The following UGGT2 variants were observed in gnomAD, a reference collection of about 807,000 sequenced individuals.
The protein encoded by UGGT2 is UDP-glucose glycoprotein glucosyltransferase 2.
In UGGT2, 180 loss-of-function variants were observed where a neutral mutation model predicts 192.1. The ratio of observed to expected loss-of-function variants is 0.94; its 90% CI spans 0.83 to 1.06. The LOEUF is 1.06. UGGT2 is among the 50% of genes least tolerant of loss of function. UGGT2 has a pLI of 0.00. For missense variants in UGGT2, 1,849 were observed against 1,795.7 expected, an observed-to-expected ratio of 1.03 and a Z score of -0.54; for synonymous variants, 580 against 591.0, an observed-to-expected ratio of 0.98 and a Z score of 0.27.
chr13:95,803,878 G>A (rs959326971), intron 38 of UGGT2, among the ~76,000 whole-genome samples: 2 of 152,058 alleles, frequency 1.3e-5, no homozygotes, highest in African/African-American at 2.4e-5. Flanking sequence ...AAGAAAAAAG[G>A]GCCAAGATGA....
chr13:95,901,984 A>T (rs1205161983), intron 21 of UGGT2, among the ~76,000 whole-genome samples: 10 of 152,052 alleles, frequency 6.6e-5, no homozygotes, highest in Admixed American at 1.3e-4. Context: ...CTTTACTATA[A>T]CCAAAACTTC....
intron 17 of UGGT2, among the ~76,000 whole-genome samples, chr13:95,932,627 A>G (rs2049327435): frequency 6.6e-6 from 1 of 152,074 alleles, no homozygotes; most frequent in Admixed American, 6.5e-5. Flanking sequence ...CAGTACTATG[A>G]TGAATAGGAA....
intron 12 of UGGT2, among the ~76,000 whole-genome samples, chr13:95,968,235 G>A (rs1036731827): frequency 2.0e-5 from 3 of 151,852 alleles, no homozygotes; most frequent in Admixed American, 1.3e-4. Context: ...TAAAACCAGG[G>A]ACATAATGGT....
At position 95,958,129 on chromosome 13, in the gene UGGT2, T is replaced by C. The variant is rs886415164; in HGVS notation, c.1336-8675A>G. 3.3e-5 allele frequency among the ~76,000 whole-genome samples: 5 copies of C among 152,142 alleles called. No individual in the cohort carries two copies. The East Asian group carries it at 7.7e-4, about 24-fold the overall frequency. ...ATATGGCGTTTCTTTCGGGCTGCTA[T>C]AGTCCTTTGGCTCTGAGAAGGCAGA... On this transcript the variant is annotated intron_variant, in intron 12 of 38. Transcript: ENST00000376747.
chr13:95,865,211 T>C (rs1385207856), intron 30 of UGGT2, among the ~76,000 whole-genome samples: 2 of 152,234 alleles, frequency 1.3e-5, no homozygotes, highest in African/African-American at 4.8e-5. Flanking sequence ...CTGTTGTTTC[T>C]GGAATTCCTC....
intron 29 of UGGT2, among the ~76,000 whole-genome samples, chr13:95,872,050 G>C (rs893552582): frequency 6.6e-6 from 1 of 152,182 alleles, no homozygotes; most frequent in East Asian, 1.9e-4. Flanking sequence ...TGGCAGAAAA[G>C]ATTTTTCTAA....
intron 24 of UGGT2, among the ~76,000 whole-genome samples, chr13:95,892,149 A>G (rs2047819511): frequency 6.6e-6 from 1 of 152,078 alleles, no homozygotes; most frequent in South Asian, 2.1e-4. Flanking sequence ...ATGCTGTATG[A>G]GATGTAATTA....
chr13:96,023,633 T>C lies in UGGT2; in HGVS notation c.368A>G (p.Gln123Arg). The change falls in exon 3 of 39, where the codon CAG (glutamine) becomes CGG (arginine). Residue 123 changes from glutamine (Q) to arginine (R), a missense_variant. Gln to Arg is a conservative substitution (Grantham distance 43). Coordinates refer to ENST00000376747, the MANE Select transcript of UGGT2 (RefSeq NM_020121.4). ...AGATTGGGTATTTTTACGCACCTGC[T>C]GAAACATCTGAATAGCTGGGGAGTA... ...RAYSPAIQMF[Q>R]QIAADEPPPD... 6.2e-7 allele frequency: 1 copy of C among 1,605,740 alleles called. No individual in the cohort carries two copies. Among genetic ancestry groups the C allele is most frequent in the Non-Finnish European group, 8.5e-7 (1 of 1,175,568 alleles).
At chr13:95,840,509 T>G (rs1887753856) in intron 36 of UGGT2, among the ~76,000 whole-genome samples, 1 of 152,156 alleles carries the variant, frequency 6.6e-6, no homozygotes, top group Admixed American at 6.5e-5. Context: ...TGATACCATC[T>G]CATGCCAGTT....
At chr13:95,833,744 G>T (rs1281512063) in intron 37 of UGGT2, among the ~76,000 whole-genome samples, 2 of 152,088 alleles carry the variant, frequency 1.3e-5, no homozygotes, top group Non-Finnish European at 2.9e-5. Context: ...AGGCATCAAA[G>T]AAAGACAAAG....
At chr13:95,855,742 C>T (rs7988464) in intron 34 of UGGT2, among the ~76,000 whole-genome samples, 6,869 of 152,010 alleles carry the variant, frequency 0.045, 309 homozygotes, top group East Asian at 0.14. Flanking sequence ...TGGTTGAATG[C>T]GAAAGAATGC....
Position 95,877,336 on chromosome 13 carries a change from C to A in UGGT2, c.3416G>T (p.Gly1139Val), listed in dbSNP as rs1188563302. The change falls in exon 29 of 39, where the codon GGT becomes GTT. Residue 1139 changes from glycine (G) to valine (V), a missense_variant. Gly to Val is a moderately radical substitution (Grantham distance 109, BLOSUM62 -3). Coordinates refer to ENST00000376747, the MANE Select transcript of UGGT2 (RefSeq NM_020121.4). The part of the protein sequence containing the change: ...HGYFQLKANP[G>V]AWILRLHQGK... The stretch of plus-strand genomic sequence containing the variant: ...TTGGTGTAACCTCAGTATCCAAGCA[C>A]CTGGGTTTGCTTTTAATTGAAAATA... The A allele has an allele frequency of 6.2e-7, 1 of 1,606,176 alleles. No individual in the cohort carries two copies. The highest frequency in any genetic ancestry group is 8.5e-7 in the Non-Finnish European group (1 of 1,177,434).
chr13:95,826,765 A>G (rs1265224250), intron 38 of UGGT2, among the ~76,000 whole-genome samples: 1 of 151,918 alleles, frequency 6.6e-6, no homozygotes, highest in African/African-American at 2.4e-5. Flanking sequence ...CTCTCAAGCC[A>G]ACTAATTAAT....
chr13:95,888,693 AG>A (rs1238984324), intron 25 of UGGT2, among the ~76,000 whole-genome samples: 1 of 152,224 alleles, frequency 6.6e-6, no homozygotes, highest in Non-Finnish European at 1.5e-5. Flanking sequence ...CTCAAGTGTT[AG>A]ATGAGAAACT....
At chr13:95,909,087 C>T (rs1384543199) in intron 20 of UGGT2, among the ~76,000 whole-genome samples, 4 of 152,044 alleles carry the variant, frequency 2.6e-5, no homozygotes, top group Admixed American at 6.5e-5. Flanking sequence ...TTAGGTCTAA[C>T]GTTTAAGTCT....
chr13:95,834,865 C>T (rs1732547723), intron 37 of UGGT2, among the ~76,000 whole-genome samples: 1 of 152,150 alleles, frequency 6.6e-6, no homozygotes, highest in African/African-American at 2.4e-5. Context: ...TTTCCCCTTC[C>T]CTCCAGATTG....
intron 24 of UGGT2, among the ~76,000 whole-genome samples, chr13:95,892,303 G>A (rs2047824450): frequency 6.6e-6 from 1 of 152,070 alleles, no homozygotes; most frequent in African/African-American, 2.4e-5. Flanking sequence ...GAGCCCACTA[G>A]TAGATAGTAC....
rs567965553 is a variant in UGGT2 at position 95,801,629 on chromosome 13, C to T, written c.*161G>A. 12 of 622,436 alleles carry T rather than the reference C, an allele frequency of 1.9e-5. No homozygotes were observed. The South Asian group carries it at 2.5e-4, about 13-fold the overall frequency. The allele number at this position is 622,436 out of a possible 1,614,324, so 38.6% of individuals were successfully genotyped here. On this transcript the variant is annotated 3_prime_UTR_variant, in exon 39 of 39. Coordinates refer to ENST00000376747, the MANE Select transcript of UGGT2 (RefSeq NM_020121.4). ...TTATATAACTTAAACTCATTCAATA[C>T]ATTAAATAACTGTTTTAAATAATTA...
chr13:95,827,807 T>C (rs1566553662), intron 38 of UGGT2, among the ~76,000 whole-genome samples: 1 of 152,152 alleles, frequency 6.6e-6, no homozygotes, highest in Non-Finnish European at 1.5e-5. Context: ...ATCCCCATTG[T>C]TCTTGTGGAT....
Sources: gnomAD v4.1 joint callset for allele counts (sites outside exome capture counted in the v4.1 genomes callset) on GRCh38, gnomAD v4.1.1 for gene constraint, MANE v1.5 for transcripts, NCBI Gene and HGNC (gene_info 2026-07-23, HGNC 2026-07-21) for gene names.